Variants in LMNTD1 observed in about 807,000 individuals in gnomAD.
LMNTD1 encodes the protein lamin tail domain-containing protein 1.
LMNTD1 carries 35 observed loss-of-function variants against 50.9 expected under a neutral mutation model. The observed-to-expected ratio is 0.69, with a 90% CI of 0.53 to 0.91. The LOEUF is 0.91. Among genes scored for constraint, LMNTD1 ranks in the 40% least tolerant of loss-of-function variants. The probability of loss-of-function intolerance (pLI) is 0.00; values close to 1 mark genes in which losing one functional copy is unlikely to be tolerated. For missense variants in LMNTD1, 470 were observed against 475.5 expected (o/e 0.99, Z 0.11); for synonymous variants, 153 against 161.9 (o/e 0.94, Z 0.42).
intron 9 of LMNTD1, among the ~76,000 whole-genome samples, chr12:25,501,798 A>G (rs1939404297): frequency 6.6e-6 from 1 of 151,456 alleles, no homozygotes; most frequent in Admixed American, 6.6e-5. Context: ...ATCTCTGAAC[A>G]ATTTTCCACA....
chr12:25,508,439 A>G (rs1463789326), intron 8 of LMNTD1, among the ~76,000 whole-genome samples: 1 of 152,154 alleles, frequency 6.6e-6, no homozygotes, highest in East Asian at 1.9e-4. Flanking sequence ...AGATTCACTG[A>G]TATTATTGCA....
intron 9 of LMNTD1, among the ~76,000 whole-genome samples, chr12:25,491,560 G>A (rs1343096939): frequency 1.3e-5 from 2 of 152,252 alleles, no homozygotes; most frequent in African/African-American, 4.8e-5. Context: ...TATTTGCTGG[G>A]TTATAGACCA....
intron 4 of LMNTD1, among the ~76,000 whole-genome samples, chr12:25,545,879 G>T (rs900723937): frequency 1.3e-4 from 19 of 151,412 alleles, no homozygotes; most frequent in African/African-American, 4.6e-4. Context: ...AATAAGTAAG[G>T]CATGGTTATA....
At chr12:25,579,766 C>A (rs1945198047) in intron 1 of LMNTD1, among the ~76,000 whole-genome samples, 1 of 152,078 alleles carries the variant, frequency 6.6e-6, no homozygotes, top group South Asian at 2.1e-4. Flanking sequence ...GTATACTCAA[C>A]CAACCACTAC....
chr12:25,551,995 C>T (rs1221518828), intron 2 of LMNTD1, among the ~76,000 whole-genome samples: 4 of 152,162 alleles, frequency 2.6e-5, no homozygotes, highest in South Asian at 4.2e-4. Context: ...ATAATATTGA[C>T]GACAATCATT....
chr12:25,573,711 T>G (rs999443734), intron 1 of LMNTD1, among the ~76,000 whole-genome samples: 1 of 152,210 alleles, frequency 6.6e-6, no homozygotes, highest in South Asian at 2.1e-4. Flanking sequence ...AGGATAAAAC[T>G]GACTTCTTAG....
At chr12:25,570,194 C>T (rs1006255207) in intron 1 of LMNTD1, among the ~76,000 whole-genome samples, 2 of 152,132 alleles carry the variant, frequency 1.3e-5, no homozygotes, top group African/African-American at 2.4e-5. Context: ...CAGGCATGCT[C>T]CTTGGTCTTC....
At chr12:25,620,243 A>G (rs1418128381) in intron 1 of LMNTD1, among the ~76,000 whole-genome samples, 1 of 152,194 alleles carries the variant, frequency 6.6e-6, no homozygotes, top group Non-Finnish European at 1.5e-5. Context: ...ATGTTTTCAA[A>G]GGGCATTTCA....
chr12:25,572,985 T>C (rs1015713722), intron 1 of LMNTD1, among the ~76,000 whole-genome samples: 1 of 152,114 alleles, frequency 6.6e-6, no homozygotes, highest in Non-Finnish European at 1.5e-5. Flanking sequence ...ATGACTTTAA[T>C]CCTCAGTCTC....
chr12:25,519,586 T>TTAAAAAAAAAAAAAAA lies in LMNTD1; in HGVS notation c.1016+271_1016+272insTTTTTTTTTTTTTTTA, dbSNP rs781742784. Among the ~76,000 whole-genome samples, 489 of 74,898 alleles carry TTAAAAAAAAAAAAAAA rather than the reference T, an allele frequency of 6.5e-3. 23 individuals carry two copies. Among genetic ancestry groups the TTAAAAAAAAAAAAAAA allele is most frequent in the South Asian group, 9.8e-3 (18 of 1,846 alleles). 49.1% of individuals were successfully genotyped at this position (74,898 alleles called of 152,430 possible). A position where few individuals can be genotyped will look rare whatever the true frequency, so the allele number is the denominator to read the frequency against. ...CTGGGTGACAGAGCGAGACTCTGTC[T>TTAAAAAAAAAAAAAAA]CAAAAAAAAAAAAAAAAAAAAAGTG... On this transcript the variant is annotated intron_variant, in intron 7 of 9. Transcript: ENST00000458174.
intron 1 of LMNTD1, among the ~76,000 whole-genome samples, chr12:25,561,732 G>T (rs1032236757): frequency 6.6e-6 from 1 of 152,074 alleles, no homozygotes; most frequent in African/African-American, 2.4e-5. Context: ...TCTAATGTTG[G>T]CAGTGGGGTG....
Position 25,572,154 on chromosome 12 carries a change from G to A in LMNTD1, c.59-25600C>T, listed in dbSNP as rs147881857. 3.4e-3 allele frequency among the ~76,000 whole-genome samples: 511 copies of A among 152,266 alleles called. 5 individuals carry two copies. The highest frequency in any genetic ancestry group is 0.012 in the African/African-American group (500 of 41,538). ...TTTCAATCTCTTCTTCTGTAAAATG[G>A]GGATAGAAAGAGCATTGTCATAAGA... is the stretch of plus-strand genomic sequence containing the variant. On this transcript the variant is annotated intron_variant, in intron 1 of 7. Transcript: ENST00000445693.
At chr12:25,557,139 T>C (rs982789826), upstream of LMNTD1, 16 of 152,256 alleles carry the variant, frequency 1.1e-4, no homozygotes, top group African/African-American at 3.9e-4. Context: ...ATTCCTATTA[T>C]AAAGCCTTTT....
intron 8 of LMNTD1, among the ~76,000 whole-genome samples, chr12:25,515,941 G>T (rs201762708): frequency 1.5e-3 from 19 of 12,908 alleles, no homozygotes; most frequent in Non-Finnish European, 5.0e-3. Context: ...GTTTTGTCTG[G>T]TTTTTTTTCT....
chr12:25,490,807 A>G (rs1938857407), intron 9 of LMNTD1, among the ~76,000 whole-genome samples: 1 of 152,188 alleles, frequency 6.6e-6, no homozygotes, highest in South Asian at 2.1e-4. Context: ...GTGCACACTA[A>G]CCACCCAGGA....
chr12:25,644,211 C>T (rs754494160), intron 1 of LMNTD1, among the ~76,000 whole-genome samples: 12 of 148,304 alleles, frequency 8.1e-5, no homozygotes, highest in Non-Finnish European at 1.3e-4. Flanking sequence ...TGTGATGGCT[C>T]ATGCCTGTAA....
intron 1 of LMNTD1, among the ~76,000 whole-genome samples, chr12:25,563,468 A>G (rs1944421042): frequency 6.6e-6 from 1 of 152,210 alleles, no homozygotes; most frequent in Admixed American, 6.5e-5. Context: ...CAAATATTGC[A>G]GAACGGCAGA....
chr12:25,500,805 G>A (rs1179556600), intron 9 of LMNTD1, among the ~76,000 whole-genome samples: 19 of 152,148 alleles, frequency 1.2e-4, no homozygotes, highest in Middle Eastern at 3.4e-3. Context: ...CTTTGGCATC[G>A]CCCACAGACA....
At chr12:25,604,732 T>A (rs1946057841) in intron 1 of LMNTD1, among the ~76,000 whole-genome samples, 1 of 152,258 alleles carries the variant, frequency 6.6e-6, no homozygotes, top group African/African-American at 2.4e-5. Context: ...CCATATTTTC[T>A]TAATCCAGAC....
Sources: gnomAD v4.1 joint callset for allele counts (sites outside exome capture counted in the v4.1 genomes callset) on GRCh38, gnomAD v4.1.1 for gene constraint, MANE v1.5 for transcripts, NCBI Gene and HGNC (gene_info 2026-07-23, HGNC 2026-07-21) for gene names.